INSL5: variants seen among roughly 807,000 people sequenced by gnomAD.
INSL5 encodes insulin-like peptide INSL5.
In INSL5, 3 loss-of-function variants were observed where a neutral mutation model predicts 4.3. The ratio of observed to expected loss-of-function variants is 0.70; its 90% CI spans 0.32 to 1.82. INSL5 has a LOEUF of 1.82. INSL5 is among the 40% of genes most tolerant of loss of function. INSL5 has a pLI of 0.08. For missense variants in INSL5, 168 were observed against 160.9 expected, an observed-to-expected ratio of 1.04 and a Z score of -0.24; for synonymous variants, 68 against 56.6, an observed-to-expected ratio of 1.20 and a Z score of -0.90.
chr1:66,798,664 T>A (rs144529945), intron 1 of INSL5, among the ~76,000 whole-genome samples: 303 of 152,316 alleles, frequency 2.0e-3, no homozygotes, highest in Non-Finnish European at 3.6e-3. Flanking sequence ...AACCTCTATA[T>A]CTGAAAATAA....
intron 1 of INSL5, among the ~76,000 whole-genome samples, chr1:66,800,623 A>G (rs1331975230): frequency 2.0e-5 from 3 of 152,196 alleles, no homozygotes; most frequent in African/African-American, 4.8e-5. Context: ...AAAGTGCTCA[A>G]TTAAGGTCAG....
intron 1 of INSL5, 45 bp from the exon 2 acceptor site, chr1:66,798,290 C>A: frequency 7.2e-7 from 1 of 1,382,888 alleles, no homozygotes; most frequent in Non-Finnish European, 1.0e-6. Context: ...ACAGCTCCTA[C>A]AAAGAAGGCA....
intron 1 of INSL5, among the ~76,000 whole-genome samples, chr1:66,798,531 C>T (rs1645356524): frequency 6.6e-6 from 1 of 152,106 alleles, no homozygotes; most frequent in African/African-American, 2.4e-5. Context: ...TACTCGCTAC[C>T]TCTGCTGGAT....
At position 66,798,251 on chromosome 1, in the gene INSL5, T is replaced by C. The variant is rs762974871; in HGVS notation, c.176-6A>G. Reference sequence around the variant, plus strand: ...GAAGGAGTTTCCTGTCTCAGCTGTATGGAAGAGAAAAAAATAATACATCCT... The same window carrying C: ...GAAGGAGTTTCCTGTCTCAGCTGTACGGAAGAGAAAAAAATAATACATCCT... On this transcript the variant is annotated splice_polypyrimidine_tract_variant and splice_region_variant and intron_variant, in intron 1 of 1. Transcript: ENST00000304526. 6 of 1,605,878 alleles carry C rather than the reference T, an allele frequency of 3.7e-6. No individual in the cohort carries two copies. Among genetic ancestry groups the C allele is most frequent in the Non-Finnish European group, 5.1e-6 (6 of 1,172,876 alleles).
intron 1 of INSL5, among the ~76,000 whole-genome samples, chr1:66,800,277 CT>C (rs1645366181): frequency 6.6e-6 from 1 of 152,094 alleles, no homozygotes; most frequent in Non-Finnish European, 1.5e-5. Context: ...TCCCACCCTG[CT>C]TCCCCACCAC....
chr1:66,799,636 T>C (rs1378845359), intron 1 of INSL5, among the ~76,000 whole-genome samples: 2 of 152,240 alleles, frequency 1.3e-5, no homozygotes, highest in Admixed American at 6.5e-5. Context: ...AGGTAATGCA[T>C]ATGTTAATTA....
rs750762261 is a variant in INSL5 at position 66,798,187 on chromosome 1, T to C, written c.234A>G (p.Pro78=). The C allele has an allele frequency of 6.2e-7, 1 of 1,614,162 alleles. No homozygotes were observed. The highest frequency in any genetic ancestry group is 2.2e-5 in the East Asian group (1 of 44,880). ...CATCCACCTTCGGAAGGTTTTGCGC[T>C]GGATTTTCCTCAGAAAACTCACGTT... is the stretch of plus-strand genomic sequence containing the variant. ...PHKREFSEEN[P]AQNLPKVDAS... The change falls in exon 2 of 2, where the codon CCA becomes CCG. Residue 78 remains proline (P), a synonymous_variant. Coordinates refer to ENST00000304526, the MANE Select transcript of INSL5 (RefSeq NM_005478.6).
chr1:66,799,923 C>A (rs182910853), intron 1 of INSL5, among the ~76,000 whole-genome samples: 1 of 152,060 alleles, frequency 6.6e-6, no homozygotes, highest in African/African-American at 2.4e-5. Flanking sequence ...GTGGCACACA[C>A]CTGTAGTCCT....
In INSL5 at chr1:66,798,162, C is replaced by T; in HGVS notation, c.259G>A (p.Ala87Thr). 1 of 1,614,174 alleles carries T rather than the reference C, an allele frequency of 6.2e-7. No individual in the cohort carries two copies. ...CCCCAAAGACGGTCTTCCCCTGAGG[C>T]ATCCACCTTCGGAAGGTTTTGCGCT... The part of the protein sequence containing the change: ...NPAQNLPKVD[A>T]SGEDRLWGGQ... The change falls in exon 2 of 2, where the codon GCC (alanine) becomes ACC (threonine). Residue 87 changes from alanine to threonine, a missense_variant. By Grantham distance (58) the Ala-to-Thr change is moderately conservative (BLOSUM62 0). Coordinates refer to ENST00000304526, the MANE Select transcript of INSL5 (RefSeq NM_005478.6).
rs1645373934 is a variant in INSL5, at chr1:66,801,198, C to T, written c.24G>A (p.Leu8=). Reference sequence around the variant, plus strand: ...TGGCAAATAGGACAGAGAATAAAAACAGAGTGAAAATGGAGCCCTTCATTT... The same window carrying T: ...TGGCAAATAGGACAGAGAATAAAAATAGAGTGAAAATGGAGCCCTTCATTT... The part of the protein sequence containing the change: MKGSIFT[L]FLFSVLFAIS... The change falls in exon 1 of 2, where the codon CTG becomes CTA. Residue 8 remains leucine (L), a synonymous_variant. Transcript: ENST00000304526. 3.1e-6 allele frequency: 5 copies of T among 1,613,392 alleles called. No homozygotes were observed. Among genetic ancestry groups the T allele is most frequent in the Non-Finnish European group, 3.4e-6 (4 of 1,179,524 alleles).
At chr1:66,799,738 TA>T (rs1191846500) in intron 1 of INSL5, among the ~76,000 whole-genome samples, 3 of 152,158 alleles carry the variant, frequency 2.0e-5, no homozygotes, top group Admixed American at 1.3e-4. Context: ...TTTTACCAAT[TA>T]AAAAAATAAT....
rs1645353529 is a variant in INSL5 at position 66,798,025 on chromosome 1, A to G, written c.396T>C (p.Ser132=). The change falls in exon 2 of 2, where the codon AGT becomes AGC. Residue 132 remains serine (S), a synonymous_variant. Transcript: ENST00000304526. ...CTDGCSMTDL[S]ALC Reference sequence around the variant, plus strand: ...ATTTGCTCTTGTCTTAGCAAAGAGCACTCAAATCAGTCATGGAACAGCCAT... The same window carrying G: ...ATTTGCTCTTGTCTTAGCAAAGAGCGCTCAAATCAGTCATGGAACAGCCAT... 1 of 1,612,862 alleles carries G rather than the reference A, an allele frequency of 6.2e-7. No individual in the cohort carries two copies. The highest frequency in any genetic ancestry group is 8.5e-7 in the Non-Finnish European group (1 of 1,178,936).
Position 66,800,926 on chromosome 1 carries a change from TA to T in INSL5, c.175+120del, listed in dbSNP as rs962749808. 168 of 674,476 alleles carry T rather than the reference TA, an allele frequency of 2.5e-4. 1 individual carries two copies. The African/African-American group carries it at 2.7e-3, about 11-fold the overall frequency. 41.8% of individuals were successfully genotyped at this position (674,476 alleles called of 1,614,324 possible). On this transcript the variant is annotated intron_variant, in intron 1 of 1. Transcript: ENST00000304526. The stretch of plus-strand genomic sequence containing the variant: ...TGATAATTAATCCCTTAAATTGACA[TA>T]AAAAATGCCTCAACAGTACTTAGAG...
At chr1:66,798,394 A>G (rs1043412910) in intron 1 of INSL5, 149 bp from the exon 2 acceptor site, 6 of 632,556 alleles carry the variant, frequency 9.5e-6, no homozygotes, top group African/African-American at 9.2e-5. Context: ...CTGGTTTCAG[A>G]GAGATTAGAC....
rs1488253098 is a variant in INSL5 at position 66,798,028 on chromosome 1, C to G, written c.393G>C (p.Leu131Phe). ...TGCTCTTGTCTTAGCAAAGAGCACT[C>G]AAATCAGTCATGGAACAGCCATCAG... is the stretch of plus-strand genomic sequence containing the variant. ...CCTDGCSMTD[L>F]SALC Residue 131 changes from leucine (L) to phenylalanine (F), a missense_variant, in exon 2 of 2, where the codon TTG (leucine) becomes TTC (phenylalanine). Transcript: ENST00000304526. 1.2e-5 allele frequency: 20 copies of G among 1,613,078 alleles called. No homozygotes were observed. The highest frequency in any genetic ancestry group is 1.7e-6 in the Non-Finnish European group (2 of 1,179,250).
chr1:66,800,246 G>A (rs1645366060), intron 1 of INSL5, among the ~76,000 whole-genome samples: 1 of 151,972 alleles, frequency 6.6e-6, no homozygotes, highest in Middle Eastern at 3.2e-3. Flanking sequence ...ATCCTGATCA[G>A]ACAATTCCTA....
Position 66,798,172 on chromosome 1 carries a change from C to T in INSL5, c.249G>A (p.Pro83=), listed in dbSNP as rs776464414. The T allele has an allele frequency of 1.4e-5, 23 of 1,613,986 alleles. No individual in the cohort carries two copies. The highest frequency in any genetic ancestry group is 1.3e-4 in the East Asian group (6 of 44,894). The change falls in exon 2 of 2, where the codon CCG becomes CCA. Residue 83 remains proline (P), a synonymous_variant. Transcript: ENST00000304526. ...GGTCTTCCCCTGAGGCATCCACCTTCGGAAGGTTTTGCGCTGGATTTTCCT... is the reference window on the plus strand; with the variant it reads ...GGTCTTCCCCTGAGGCATCCACCTTTGGAAGGTTTTGCGCTGGATTTTCCT... ...FSEENPAQNL[P]KVDASGEDRL... is the part of the protein sequence containing the mutation.
In INSL5 at chr1:66,797,983, T is replaced by C; in HGVS notation, c.*30A>G. 7.1e-7 allele frequency: 1 copy of C among 1,415,766 alleles called. No homozygotes were observed. The highest frequency in any genetic ancestry group is 1.0e-6 in the Non-Finnish European group (1 of 1,000,424). The allele number at this position is 1,415,766 out of a possible 1,614,324, so 87.7% of individuals were successfully genotyped here. On this transcript the variant is annotated 3_prime_UTR_variant, in exon 2 of 2. Transcript: ENST00000304526. ...ACTGTAATTAAACATGTGATAAAGCTCTGCCACCCATTGGGTATTTGCTCT... is the reference window on the plus strand; with the variant it reads ...ACTGTAATTAAACATGTGATAAAGCCCTGCCACCCATTGGGTATTTGCTCT...
chr1:66,800,827 G>C (rs538062513), intron 1 of INSL5, among the ~76,000 whole-genome samples: 1 of 152,032 alleles, frequency 6.6e-6, no homozygotes, highest in Non-Finnish European at 1.5e-5. Context: ...TCAAGCAGGG[G>C]ACTAAAAAAT....
Sources: gnomAD v4.1 joint callset for allele counts (sites outside exome capture counted in the v4.1 genomes callset) on GRCh38, gnomAD v4.1.1 for gene constraint, MANE v1.5 for transcripts, NCBI Gene and HGNC (gene_info 2026-07-23, HGNC 2026-07-21) for gene names.